Variants in UBE2G1 observed in about 807,000 individuals in gnomAD.
UBE2G1 encodes the protein ubiquitin-conjugating enzyme E2 G1.
A neutral mutation model predicts 22.7 loss-of-function variants in UBE2G1; 5 were observed. That is an observed-to-expected ratio of 0.22 (90% confidence interval 0.12 to 0.46). The LOEUF (loss-of-function observed/expected upper bound fraction) is 0.46, where lower values mean the gene tolerates loss of function less well. UBE2G1 is among the 20% of genes least tolerant of loss of function. UBE2G1 has a pLI of 0.99. For missense variants in UBE2G1, 88 were observed against 203.9 expected (o/e 0.43, Z 3.46); for synonymous variants, 74 against 67.5 (o/e 1.10, Z -0.47).
intron 5 of UBE2G1, among the ~76,000 whole-genome samples, chr17:4,280,668 G>T (rs1374282840): frequency 1.4e-5 from 2 of 143,766 alleles, no homozygotes; most frequent in Non-Finnish European, 3.0e-5. Context: ...ACGGAGTTTT[G>T]TTCTTGTTGC....
chr17:4,365,490 G>A (rs1362465389), intron 1 of UBE2G1, among the ~76,000 whole-genome samples: 1 of 152,154 alleles, frequency 6.6e-6, no homozygotes, highest in East Asian at 1.9e-4. Context: ...CCCGGCCGCC[G>A]CCCCGGGCCA....
At chr17:4,315,230 C>A (rs1026073642) in intron 1 of UBE2G1, among the ~76,000 whole-genome samples, 14 of 152,224 alleles carry the variant, frequency 9.2e-5, no homozygotes, top group African/African-American at 3.1e-4. Context: ...GCCCATTATA[C>A]CTATCTGTCT....
chr17:4,304,223 G>A (rs183522047), intron 2 of UBE2G1, among the ~76,000 whole-genome samples: 24 of 152,030 alleles, frequency 1.6e-4, no homozygotes, highest in Admixed American at 1.3e-3. Flanking sequence ...GGTCTCCAAC[G>A]TCTGAGCTCA....
intron 1 of UBE2G1, among the ~76,000 whole-genome samples, chr17:4,316,816 C>T (rs1038623008): frequency 1.3e-5 from 2 of 151,606 alleles, no homozygotes; most frequent in African/African-American, 4.9e-5. Flanking sequence ...CATAGAGAGA[C>T]CCAGTCCTAG....
intron 1 of UBE2G1, among the ~76,000 whole-genome samples, chr17:4,332,504 A>G (rs1276902396): frequency 1.3e-5 from 2 of 152,160 alleles, no homozygotes; most frequent in African/African-American, 4.8e-5. Flanking sequence ...TCATGTCACT[A>G]TACCAACAGC....
intron 1 of UBE2G1, among the ~76,000 whole-genome samples, chr17:4,327,464 T>G (rs1260688315): frequency 6.6e-6 from 1 of 152,034 alleles, no homozygotes; most frequent in East Asian, 1.9e-4. Context: ...AGAGCGAGAC[T>G]GTCACAAATA....
chr17:4,285,587 A>G (rs956592055), intron 4 of UBE2G1, among the ~76,000 whole-genome samples: 1 of 152,228 alleles, frequency 6.6e-6, no homozygotes. Context: ...AAAAGATTCA[A>G]TTGAGAAGAG....
chr17:4,293,639 T>A (rs1439058024), intron 3 of UBE2G1, among the ~76,000 whole-genome samples: 18 of 152,224 alleles, frequency 1.2e-4, no homozygotes, highest in Admixed American at 1.1e-3. Context: ...TTGCCAGTAG[T>A]GCATGGGAGT....
chr17:4,281,174 A>G (rs1968885180), intron 5 of UBE2G1, among the ~76,000 whole-genome samples: 1 of 152,222 alleles, frequency 6.6e-6, no homozygotes, highest in Admixed American at 6.5e-5. Flanking sequence ...TGCAATGAGA[A>G]TAAGGAGTAG....
At chr17:4,292,534 A>C (rs1969054359) in intron 3 of UBE2G1, among the ~76,000 whole-genome samples, 1 of 152,180 alleles carries the variant, frequency 6.6e-6, no homozygotes, top group Non-Finnish European at 1.5e-5. Context: ...AACTGTGTCC[A>C]CAAGTGGTCT....
chr17:4,365,792 C>T (rs776217765), intron 1 of UBE2G1, among the ~76,000 whole-genome samples: 6 of 152,176 alleles, frequency 3.9e-5, no homozygotes, highest in Non-Finnish European at 7.4e-5. Context: ...AAGTTTTGTG[C>T]GCCTCACCTA....
At chr17:4,361,928 A>C (rs1410507838) in intron 1 of UBE2G1, among the ~76,000 whole-genome samples, 4 of 144,850 alleles carry the variant, frequency 2.8e-5, no homozygotes, top group Admixed American at 1.4e-4. Flanking sequence ...GGCCACTGCA[A>C]TCCAGCCTGG....
intron 1 of UBE2G1, among the ~76,000 whole-genome samples, chr17:4,309,014 T>C (rs892750933): frequency 6.6e-5 from 10 of 152,200 alleles, no homozygotes; most frequent in African/African-American, 2.4e-4. Context: ...ATCTCAACGC[T>C]TTCAGGAAGC....
At chr17:4,301,602 C>G (rs368495348) in intron 2 of UBE2G1, 2 of 1,208,976 alleles carry the variant, frequency 1.7e-6, no homozygotes, top group Admixed American at 3.4e-5. Flanking sequence ...TTTAAAAGAC[C>G]GAGTATTTGG....
intron 1 of UBE2G1, among the ~76,000 whole-genome samples, chr17:4,315,124 G>A (rs923050314): frequency 1.3e-5 from 2 of 152,086 alleles, no homozygotes; most frequent in Non-Finnish European, 2.9e-5. Context: ...ATCATGTTTA[G>A]AATGTACTTC....
At chr17:4,273,731 G>T (rs1968787487) in intron 5 of UBE2G1, among the ~76,000 whole-genome samples, 1 of 151,378 alleles carries the variant, frequency 6.6e-6, no homozygotes, top group African/African-American at 2.4e-5. Context: ...GTGGGTGGGG[G>T]CGCCAAGGAC....
At chr17:4,301,545 G>A (rs1192196260) in intron 2 of UBE2G1, 2 of 1,330,414 alleles carry the variant, frequency 1.5e-6, no homozygotes, top group East Asian at 2.3e-5. Context: ...GCTGCTATAT[G>A]CCTGGTATTC....
intron 2 of UBE2G1, among the ~76,000 whole-genome samples, chr17:4,303,503 T>C (rs1969211342): frequency 6.6e-6 from 1 of 152,158 alleles, no homozygotes; most frequent in Admixed American, 6.6e-5. Context: ...TAAGTAATTG[T>C]TCAAAGTCAC....
intron 1 of UBE2G1, among the ~76,000 whole-genome samples, chr17:4,346,068 A>G (rs1969767359): frequency 6.6e-6 from 1 of 152,256 alleles, no homozygotes; most frequent in African/African-American, 2.4e-5. Flanking sequence ...CAGAATTGCT[A>G]AACAACTTCC....
Sources: gnomAD v4.1 joint callset for allele counts (sites outside exome capture counted in the v4.1 genomes callset) on GRCh38, gnomAD v4.1.1 for gene constraint, MANE v1.5 for transcripts, NCBI Gene and HGNC (gene_info 2026-07-23, HGNC 2026-07-21) for gene names.